GLDC: variants seen among roughly 807,000 people sequenced by gnomAD.
GLDC encodes the protein glycine decarboxylase.
GLDC carries 104 observed loss-of-function variants against 121.3 expected under a neutral mutation model. The ratio of observed to expected loss-of-function variants is 0.86; its 90% confidence interval spans 0.73 to 1.01. The LOEUF is 1.01. Among genes scored for constraint, GLDC ranks in the 50% least tolerant of loss-of-function variants. GLDC has a pLI of 0.00. For synonymous variants in GLDC, 546 were observed against 480.6 expected (o/e 1.14, Z -1.78); for missense variants, 1,429 against 1,306.6 (o/e 1.09, Z -1.44).
chr9:6,615,621 C>A (rs923293029), intron 3 of GLDC, among the ~76,000 whole-genome samples: 1 of 150,888 alleles, frequency 6.6e-6, no homozygotes, highest in Non-Finnish European at 1.5e-5. Context: ...CCAGTATTTT[C>A]TTTTTTATTG....
intron 16 of GLDC, among the ~76,000 whole-genome samples, chr9:6,563,879 A>G (rs1216272212): frequency 1.3e-5 from 2 of 152,020 alleles, no homozygotes; most frequent in Non-Finnish European, 2.9e-5. Context: ...TCATGCCTGT[A>G]ATCCTGGTCT....
intron 2 of GLDC, among the ~76,000 whole-genome samples, chr9:6,624,730 T>A (rs1282746727): frequency 6.6e-6 from 1 of 152,134 alleles, no homozygotes; most frequent in East Asian, 1.9e-4. Flanking sequence ...CTTACACCTG[T>A]AATCCCAGCA....
intron 2 of GLDC, among the ~76,000 whole-genome samples, chr9:6,643,482 G>A (rs1262416521): frequency 1.3e-5 from 2 of 150,178 alleles, no homozygotes; most frequent in Non-Finnish European, 3.0e-5. Flanking sequence ...TTTGACTCTA[G>A]AAGAAAAAGA....
intron 15 of GLDC, chr9:6,567,233 C>G (rs1817872202): frequency 6.6e-6 from 1 of 152,236 alleles, no homozygotes; most frequent in Non-Finnish European, 1.5e-5. Flanking sequence ...GCAGCTATCT[C>G]CGCTCTCTTC....
chr9:6,627,917 C>A (rs182524487), intron 2 of GLDC, among the ~76,000 whole-genome samples: 8 of 152,334 alleles, frequency 5.3e-5, no homozygotes, highest in African/African-American at 1.9e-4. Context: ...TTGGCCAGAT[C>A]TGCAGGAGAA....
At chr9:6,602,373 A>C (rs1587958175) in intron 7 of GLDC, among the ~76,000 whole-genome samples, 168 bp from the exon 8 acceptor site, 2 of 151,154 alleles carry the variant, frequency 1.3e-5, no homozygotes, top group Non-Finnish European at 3.0e-5. Flanking sequence ...AAACATGATT[A>C]CTGATTTTTT....
chr9:6,592,998 A>G lies in GLDC; in HGVS notation c.1262-8T>C, dbSNP rs1281719538. On this transcript the variant is annotated splice_region_variant and splice_polypyrimidine_tract_variant and intron_variant, in intron 9 of 24. Coordinates refer to ENST00000321612, the MANE Select transcript of GLDC (RefSeq NM_000170.3). ...GCCCTGCTCGCTTGAGACCTACACA[A>G]GATAGGAGATCCCCCAAACTCTCAT... 5 of 1,613,916 alleles carry G rather than the reference A, an allele frequency of 3.1e-6. No homozygotes were observed. Among genetic ancestry groups the G allele is most frequent in the Admixed American group, 1.7e-5 (1 of 60,006 alleles).
chr9:6,635,203 C>T (rs1819475482), intron 2 of GLDC, among the ~76,000 whole-genome samples: 1 of 152,172 alleles, frequency 6.6e-6, no homozygotes, highest in Non-Finnish European at 1.5e-5. Flanking sequence ...TCATCTTTTA[C>T]CTCCTGACTT....
At chr9:6,558,132 C>A (rs1817675629) in intron 17 of GLDC, 1 of 271,222 alleles carries the variant, frequency 3.7e-6, no homozygotes. Context: ...TTGGTGGAAA[C>A]CAAGCTGCAT....
intron 9 of GLDC, 88 bp downstream of exon 9, chr9:6,594,926 T>C: frequency 1.2e-6 from 1 of 819,924 alleles, no homozygotes; most frequent in African/African-American, 1.7e-5. Flanking sequence ...TAATTTTGCA[T>C]ATAGTATTGG....
At chr9:6,603,532 AAAAT>A (rs147469940) in intron 7 of GLDC, among the ~76,000 whole-genome samples, 2,891 of 142,446 alleles carry the variant, frequency 0.02, 98 homozygotes, top group African/African-American at 0.067. Flanking sequence ...ACTTGGTCTC[AAAAT>A]AAATAAATAA....
rs770529091 is a variant in GLDC, at chr9:6,602,106, T to C, written c.1155+3A>G. 4 of 1,573,612 alleles carry C rather than the reference T, an allele frequency of 2.5e-6. No homozygotes were observed. The highest frequency in any genetic ancestry group is 1.1e-5 in the South Asian group (1 of 90,236). On this transcript the variant is annotated splice_donor_region_variant and intron_variant, in intron 8 of 24. Transcript: ENST00000321612. The stretch of plus-strand genomic sequence containing the variant: ...CAGTAGTCAGGTCAGACGTGTGATT[T>C]ACCTGAGCTGTACAGATGTTGCTGG...
chr9:6,594,802 TAAA>T (rs1197611987), intron 9 of GLDC, among the ~76,000 whole-genome samples: 1 of 92,072 alleles, frequency 1.1e-5, no homozygotes, highest in Non-Finnish European at 2.6e-5. Context: ...AAAAAGGAAA[TAAA>T]AGAAAGAAAG....
chr9:6,640,952 T>C (rs1308533428), intron 2 of GLDC, among the ~76,000 whole-genome samples: 3 of 152,224 alleles, frequency 2.0e-5, no homozygotes, highest in African/African-American at 4.8e-5. Flanking sequence ...CATATCCTTC[T>C]AGTCCTTTTG....
intron 15 of GLDC, among the ~76,000 whole-genome samples, chr9:6,581,476 C>A (rs1818169783): frequency 6.6e-6 from 1 of 152,342 alleles, no homozygotes; most frequent in African/African-American, 2.4e-5. Flanking sequence ...CCAAATAAGA[C>A]ACAAGCATAC....
intron 2 of GLDC, among the ~76,000 whole-genome samples, chr9:6,634,200 C>A (rs1324588951): frequency 1.3e-5 from 2 of 151,888 alleles, no homozygotes; most frequent in African/African-American, 4.8e-5. Flanking sequence ...GTACTCCAGC[C>A]TGGGCAACAG....
intron 9 of GLDC, among the ~76,000 whole-genome samples, chr9:6,593,759 C>A (rs1008937370): frequency 6.7e-6 from 1 of 148,500 alleles, no homozygotes; most frequent in Non-Finnish European, 1.5e-5. Flanking sequence ...GTGGAGCAAT[C>A]TTGGCACACT....
intron 2 of GLDC, among the ~76,000 whole-genome samples, chr9:6,626,778 C>T (rs1195316311): frequency 2.0e-5 from 3 of 152,182 alleles, no homozygotes; most frequent in Non-Finnish European, 4.4e-5. Flanking sequence ...CTGACTACAG[C>T]CCAGTTCCCA....
chr9:6,540,354 C>T (rs938340766), intron 21 of GLDC: 23 of 554,954 alleles, frequency 4.1e-5, no homozygotes, highest in Non-Finnish European at 6.1e-5. Context: ...CACACTGTGC[C>T]GATGTGTCTT....
Sources: allele counts gnomAD v4.1 joint callset (sites outside exome capture counted in the v4.1 genomes callset), GRCh38; gene constraint gnomAD v4.1.1; transcripts MANE v1.5; gene names NCBI Gene and HGNC (gene_info 2026-07-23, HGNC 2026-07-21).